CPEB4: variants seen among roughly 807,000 people sequenced by gnomAD.
CPEB4 encodes cytoplasmic polyadenylation element-binding protein 4.
In CPEB4, 12 loss-of-function variants were observed where a neutral mutation model predicts 72.5. That is an observed-to-expected ratio of 0.17 (90% CI 0.11 to 0.27). The LOEUF (loss-of-function observed/expected upper bound fraction) is 0.27. CPEB4 is among the 10% of genes least tolerant of loss of function. The pLI, the probability that CPEB4 is intolerant of heterozygous loss-of-function variation, is 1.00. For missense variants in CPEB4, 614 were observed against 908.5 expected (o/e 0.68, Z 4.17); for synonymous variants, 302 against 326.3 (o/e 0.93, Z 0.80).
intron 2 of CPEB4, among the ~76,000 whole-genome samples, chr5:173,918,444 T>C (rs1192107925): frequency 1.3e-5 from 2 of 152,212 alleles, no homozygotes; most frequent in Non-Finnish European, 2.9e-5. Context: ...AGCAGTGCGA[T>C]TACCCCCTTT....
At chr5:173,939,794 A>G (rs1403973396) in intron 3 of CPEB4, among the ~76,000 whole-genome samples, 1 of 151,786 alleles carries the variant, frequency 6.6e-6, no homozygotes, top group Non-Finnish European at 1.5e-5. Flanking sequence ...TTAGTTCTGA[A>G]CATTAAATTA....
At chr5:173,914,537 C>T (rs1756792568) in intron 2 of CPEB4, among the ~76,000 whole-genome samples, 1 of 152,156 alleles carries the variant, frequency 6.6e-6, no homozygotes, top group African/African-American at 2.4e-5. Context: ...GGGTGCATCA[C>T]CTGAGGTCAG....
At chr5:173,944,084 A>G (rs769984767) in intron 4 of CPEB4, among the ~76,000 whole-genome samples, 1 of 152,224 alleles carries the variant, frequency 6.6e-6, no homozygotes, top group Non-Finnish European at 1.5e-5. Flanking sequence ...CTGCATATAT[A>G]TTCTGGACGA....
rs955850868 is a variant in CPEB4, at chr5:173,904,946, G to A, written c.1126-5577G>A. 3.4e-4 allele frequency among the ~76,000 whole-genome samples: 50 copies of A among 148,448 alleles called. 1 individual carries two copies. Among genetic ancestry groups the A allele is most frequent in the Non-Finnish European group, 7.4e-5 (5 of 67,386 alleles). On this transcript the variant is annotated intron_variant, in intron 1 of 9. Transcript: ENST00000265085. Reference sequence around the variant, plus strand: ...TGATTGTGCCACTGCACTCCAACTTGGGCAACAGAGTGAGACCCTGTCTCA... The same window carrying A: ...TGATTGTGCCACTGCACTCCAACTTAGGCAACAGAGTGAGACCCTGTCTCA...
At chr5:173,905,494 C>T (rs1756402309) in intron 1 of CPEB4, among the ~76,000 whole-genome samples, 1 of 152,026 alleles carries the variant, frequency 6.6e-6, no homozygotes, top group African/African-American at 2.4e-5. Context: ...CCACCACGCC[C>T]AGCTAATTTT....
rs1431418881 is a variant in CPEB4 at position 173,957,672 on chromosome 5, G to A, written c.*1535G>A. ...CATCATTAAAAGGTTTATTATCAGT[G>A]GGCAAAACATGAAATAATATGATCG... On this transcript the variant is annotated 3_prime_UTR_variant, in exon 10 of 10. Transcript: ENST00000265085. 1 of 152,630 alleles carries A rather than the reference G, an allele frequency of 6.6e-6. No individual in the cohort carries two copies. The highest frequency in any genetic ancestry group is 2.4e-5 in the African/African-American group (1 of 41,388). 9.5% of individuals were successfully genotyped at this position (152,630 alleles called of 1,614,324 possible).
At position 173,943,007 on chromosome 5, in the gene CPEB4, T is replaced by C. The variant is rs1211366553; in HGVS notation, c.1259-19T>C. The C allele has an allele frequency of 6.2e-7, 1 of 1,606,932 alleles. No homozygotes were observed. The highest frequency in any genetic ancestry group is 8.5e-7 in the Non-Finnish European group (1 of 1,177,380). Reference sequence around the variant, plus strand: ...TGTTTTGTTTTTTTGTTTTTGTTTTTTTCTCATTTGACATGCAGCAAGGAC... The same window carrying C: ...TGTTTTGTTTTTTTGTTTTTGTTTTCTTCTCATTTGACATGCAGCAAGGAC... On this transcript the variant is annotated intron_variant, in intron 3 of 9. Coordinates refer to ENST00000265085, the MANE Select transcript of CPEB4 (RefSeq NM_030627.4).
intron 1 of CPEB4, chr5:173,891,451 A>G (rs964209674): frequency 6.6e-6 from 1 of 152,242 alleles, no homozygotes; most frequent in African/African-American, 2.4e-5. Context: ...ATCAGTAAGG[A>G]CTATCTAGTG....
At chr5:173,918,557 G>T (rs778832284) in intron 2 of CPEB4, among the ~76,000 whole-genome samples, 1 of 152,124 alleles carries the variant, frequency 6.6e-6, no homozygotes, top group African/African-American at 2.4e-5. Context: ...TGTGAATGCC[G>T]ACATCGTCAT....
At chr5:173,947,905 C>T (rs190038248) in intron 5 of CPEB4, among the ~76,000 whole-genome samples, 10 of 152,106 alleles carry the variant, frequency 6.6e-5, no homozygotes, top group Non-Finnish European at 1.3e-4. Context: ...AAGACGAGCC[C>T]GGAGTATCTT....
Position 173,900,568 on chromosome 5 carries a change from T to C in CPEB4, c.1125+9710T>C, listed in dbSNP as rs1467198386. 6.6e-6 allele frequency among the ~76,000 whole-genome samples: 1 copy of C among 152,212 alleles called. No individual in the cohort carries two copies. The highest frequency in any genetic ancestry group is 2.4e-5 in the African/African-American group (1 of 41,446). On this transcript the variant is annotated intron_variant, in intron 1 of 9. Coordinates refer to ENST00000265085, the MANE Select transcript of CPEB4 (RefSeq NM_030627.4). The surrounding 1 kb of genome is among the most constrained non-coding windows in gnomAD (Gnocchi z 4.4). ...TGTTAGTATTGTTTACCTGCTTTCC[T>C]TGAACTAATGACTTCTTGCCCTGAA...
At chr5:173,936,078 G>A (rs1459981848) in intron 3 of CPEB4, among the ~76,000 whole-genome samples, 1 of 152,040 alleles carries the variant, frequency 6.6e-6, no homozygotes, top group Non-Finnish European at 1.5e-5. Flanking sequence ...TTTTTGAGGG[G>A]CAATCTTGGG....
intron 1 of CPEB4, among the ~76,000 whole-genome samples, chr5:173,906,981 A>G (rs796718730): frequency 3.9e-5 from 6 of 152,340 alleles, no homozygotes; most frequent in African/African-American, 1.2e-4. Flanking sequence ...TTAAAAACCT[A>G]TAGGTTGCCA....
At chr5:173,940,160 T>C (rs898705850) in intron 3 of CPEB4, among the ~76,000 whole-genome samples, 11 of 152,150 alleles carry the variant, frequency 7.2e-5, no homozygotes, top group Non-Finnish European at 1.0e-4. Context: ...AACATATAAA[T>C]CGTAATCATT....
intron 3 of CPEB4, among the ~76,000 whole-genome samples, chr5:173,936,517 G>A (rs1056934981): frequency 6.6e-6 from 1 of 152,156 alleles, no homozygotes; most frequent in Non-Finnish European, 1.5e-5. Flanking sequence ...GGGGTAGGGG[G>A]TGGCCACATA....
At chr5:173,952,433 G>T (rs1215835646) in intron 8 of CPEB4, among the ~76,000 whole-genome samples, 1 of 152,128 alleles carries the variant, frequency 6.6e-6, no homozygotes, top group Non-Finnish European at 1.5e-5. Context: ...CAGATTTTTA[G>T]GGTAGTACTT....
intron 1 of CPEB4, among the ~76,000 whole-genome samples, chr5:173,898,374 T>C (rs1756101176): frequency 6.6e-6 from 1 of 152,038 alleles, no homozygotes; most frequent in Admixed American, 6.5e-5. Context: ...TCTGAAAAAA[T>C]GTTATTAGAA....
At chr5:173,948,113 A>G (rs943768891) in intron 5 of CPEB4, among the ~76,000 whole-genome samples, 1 of 152,210 alleles carries the variant, frequency 6.6e-6, no homozygotes, top group African/African-American at 2.4e-5. Flanking sequence ...ACTGATATCA[A>G]TAAATGAATA....
chr5:173,909,532 T>A (rs74806886), intron 1 of CPEB4, among the ~76,000 whole-genome samples: 1 of 704 alleles, frequency 1.4e-3, no homozygotes, highest in African/African-American at 2.2e-3. Context: ...GTCTACGAAA[T>A]TTTTTTTTTT....
Sources: gnomAD v4.1 joint callset for allele counts (sites outside exome capture counted in the v4.1 genomes callset) on GRCh38, gnomAD v4.1.1 for gene constraint, Gnocchi (gnomAD v3.1) non-coding constraint, MANE v1.5 for transcripts, NCBI Gene and HGNC (gene_info 2026-07-23, HGNC 2026-07-21) for gene names.